ROR2: variants seen among roughly 807,000 people sequenced by gnomAD.
The protein encoded by ROR2 is tyrosine-protein kinase transmembrane receptor ROR2.
A neutral mutation model predicts 74.9 loss-of-function variants in ROR2; 33 were observed. That is an observed-to-expected ratio of 0.44 (90% CI 0.33 to 0.59). The LOEUF (loss-of-function observed/expected upper bound fraction) is 0.59. Among genes scored for constraint, ROR2 ranks in the 20% least tolerant of loss-of-function variants. The pLI, the probability that ROR2 is intolerant of heterozygous loss-of-function variation, is 0.02. For synonymous variants in ROR2, 586 were observed against 558.7 expected, an observed-to-expected ratio of 1.05 and a Z score of -0.69; for missense variants, 1,216 against 1,313.8, an observed-to-expected ratio of 0.93 and a Z score of 1.15.
At chr9:91,925,389 G>A (rs1408302221) in intron 1 of ROR2, among the ~76,000 whole-genome samples, 2 of 152,020 alleles carry the variant, frequency 1.3e-5, no homozygotes, top group Admixed American at 1.3e-4. Context: ...CCAGCCCCCA[G>A]CTCGGCAAGC....
chr9:91,756,966 T>C (rs1160619856), intron 3 of ROR2, among the ~76,000 whole-genome samples: 2 of 151,998 alleles, frequency 1.3e-5, no homozygotes, highest in African/African-American at 2.4e-5. Flanking sequence ...GGCCAACTAC[T>C]ACCATGTTGG....
intron 1 of ROR2, among the ~76,000 whole-genome samples, chr9:91,784,618 C>T (rs961036064): frequency 2.6e-5 from 4 of 152,184 alleles, no homozygotes; most frequent in Admixed American, 6.5e-5. Flanking sequence ...GTATATACCA[C>T]GTTAACATTC....
chr9:91,865,167 CCACGAGTTCTTT>C (rs1314407056), intron 1 of ROR2, among the ~76,000 whole-genome samples: 1 of 149,170 alleles, frequency 6.7e-6, no homozygotes, highest in African/African-American at 2.5e-5. Flanking sequence ...TAAGAGATCT[CCACGAGTTCTTT>C]CACAGGACAA....
intron 1 of ROR2, among the ~76,000 whole-genome samples, chr9:91,801,854 C>T (rs1827390260): frequency 1.3e-5 from 2 of 152,178 alleles, no homozygotes; most frequent in African/African-American, 4.8e-5. Flanking sequence ...GGGCTCATGC[C>T]AAAGCATGAG....
At chr9:91,759,451 G>A (rs997567287) in intron 2 of ROR2, among the ~76,000 whole-genome samples, 4 of 152,162 alleles carry the variant, frequency 2.6e-5, no homozygotes, top group Non-Finnish European at 5.9e-5. Flanking sequence ...CTAAAATGCT[G>A]ATGACAATTC....
chr9:91,808,900 G>A (rs1827657043), intron 1 of ROR2, among the ~76,000 whole-genome samples: 1 of 151,742 alleles, frequency 6.6e-6, no homozygotes, highest in Admixed American at 6.6e-5. Context: ...CTACTCAGGA[G>A]GCTGAGGCAG....
At position 91,910,909 on chromosome 9, in the gene ROR2, C is replaced by T. The variant is rs138788626; in HGVS notation, c.97+38958G>A. ...TAACTCCTGACCTCATATGATCTGCCCTCCTCAGCCTCCCAAAGTGCTGGG... is the reference window on the plus strand; with the variant it reads ...TAACTCCTGACCTCATATGATCTGCTCTCCTCAGCCTCCCAAAGTGCTGGG... On this transcript the variant is annotated intron_variant, in intron 1 of 8. Coordinates refer to ENST00000375708, the MANE Select transcript of ROR2 (RefSeq NM_004560.4). Among the ~76,000 whole-genome samples, 166 of 152,326 alleles carry T rather than the reference C, an allele frequency of 1.1e-3. 3 individuals carry two copies. In the East Asian group the frequency reaches 0.022, roughly 20 times the overall value.
At chr9:91,829,052 C>A (rs1320517111) in intron 1 of ROR2, among the ~76,000 whole-genome samples, 1 of 152,190 alleles carries the variant, frequency 6.6e-6, no homozygotes, top group Non-Finnish European at 1.5e-5. Flanking sequence ...ACTAGCTGGG[C>A]ACTAGGGAGA....
At chr9:91,764,589 A>C (rs1013609996) in intron 2 of ROR2, among the ~76,000 whole-genome samples, 6 of 145,392 alleles carry the variant, frequency 4.1e-5, no homozygotes, top group South Asian at 4.3e-4. Flanking sequence ...CACACACACC[A>C]CACACATTGA....
rs141899915 is a variant in ROR2, at chr9:91,921,677, A to T, written c.97+28190T>A. 2.5e-3 allele frequency among the ~76,000 whole-genome samples: 379 copies of T among 152,290 alleles called. 3 individuals carry two copies. The highest frequency in any genetic ancestry group is 8.8e-3 in the African/African-American group (364 of 41,572). The stretch of plus-strand genomic sequence containing the variant: ...TCAGAAGTAGGAGACCAGCCTGGCC[A>T]ACATGGTGAAAGCCTGTCTCTACTA... On this transcript the variant is annotated intron_variant, in intron 1 of 8. Transcript: ENST00000375708.
rs34687056 is a variant in ROR2 at position 91,829,549 on chromosome 9, CAAAAAAAAAAAA to C, written c.98-53743_98-53732del. Reference sequence around the variant, plus strand: ...TGGGTGACACAGCGAGACTCCGTCTCAAAAAAAAAAAAAAAAAAAAAAAAGCACACATCTCAA... The same window carrying C: ...TGGGTGACACAGCGAGACTCCGTCTCAAAAAAAAAAAAGCACACATCTCAA... On this transcript the variant is annotated intron_variant, in intron 1 of 8. Transcript: ENST00000375708. 5.0e-3 allele frequency among the ~76,000 whole-genome samples: 204 copies of C among 40,516 alleles called. 2 individuals carry two copies. The highest frequency in any genetic ancestry group is 0.045 in the East Asian group (66 of 1,472). 26.6% of individuals were successfully genotyped at this position (40,516 alleles called of 152,430 possible). A position where few individuals can be genotyped will look rare whatever the true frequency, so the allele number is the denominator to read the frequency against.
At chr9:91,880,005 T>C (rs1025063212) in intron 1 of ROR2, among the ~76,000 whole-genome samples, 2 of 152,142 alleles carry the variant, frequency 1.3e-5, no homozygotes, top group African/African-American at 4.8e-5. Flanking sequence ...TCCTAATTAT[T>C]ATCGGCTGAA....
At chr9:91,838,650 C>T (rs1030292041) in intron 1 of ROR2, among the ~76,000 whole-genome samples, 5 of 152,154 alleles carry the variant, frequency 3.3e-5, no homozygotes, top group African/African-American at 1.2e-4. Context: ...ATGGCTGTCT[C>T]GGCCCCTTGG....
intron 1 of ROR2, among the ~76,000 whole-genome samples, chr9:91,889,375 C>G (rs1830367969): frequency 6.6e-6 from 1 of 152,228 alleles, no homozygotes; most frequent in South Asian, 2.1e-4. Flanking sequence ...TGTCTCAAAT[C>G]TATACCATGA....
At chr9:91,768,801 G>GA (rs753552057) in intron 2 of ROR2, among the ~76,000 whole-genome samples, 2 of 152,182 alleles carry the variant, frequency 1.3e-5, no homozygotes, top group Non-Finnish European at 2.9e-5. Flanking sequence ...TGCACACTTT[G>GA]AAACCTCCTA....
intron 1 of ROR2, among the ~76,000 whole-genome samples, chr9:91,787,736 T>C (rs1313926529): frequency 6.6e-6 from 1 of 152,042 alleles, no homozygotes; most frequent in African/African-American, 2.4e-5. Flanking sequence ...ACCTGAATTG[T>C]CCAATTTTTA....
At chr9:91,935,972 C>T (rs1180730833) in intron 1 of ROR2, among the ~76,000 whole-genome samples, 1 of 152,164 alleles carries the variant, frequency 6.6e-6, no homozygotes, top group Non-Finnish European at 1.5e-5. Context: ...GCAGCCCCAG[C>T]TACTCCACAA....
At chr9:91,738,774 A>T (rs1473904147) in intron 4 of ROR2, among the ~76,000 whole-genome samples, 1 of 152,240 alleles carries the variant, frequency 6.6e-6, no homozygotes, top group East Asian at 1.9e-4. Context: ...TCACAGGCGT[A>T]GGAGGTCAGA....
At chr9:91,767,351 G>A (rs1313561656) in intron 2 of ROR2, among the ~76,000 whole-genome samples, 1 of 152,158 alleles carries the variant, frequency 6.6e-6, no homozygotes, top group Non-Finnish European at 1.5e-5. Flanking sequence ...GGGATTACAG[G>A]TGTGAGCCAC....
Sources: allele counts gnomAD v4.1 joint callset (sites outside exome capture counted in the v4.1 genomes callset), GRCh38; gene constraint gnomAD v4.1.1; transcripts MANE v1.5; gene names NCBI Gene and HGNC (gene_info 2026-07-23, HGNC 2026-07-21).